Variants in OXSR1 observed in about 807,000 individuals in gnomAD.
OXSR1 encodes the protein oxidative stress responsive kinase 1, also known as serine/threonine-protein kinase OSR1.
OXSR1 carries 24 observed loss-of-function variants against 79.8 expected under a neutral mutation model. The observed-to-expected ratio is 0.30, with a 90% CI of 0.22 to 0.42. OXSR1 has a LOEUF of 0.42. OXSR1 is among the 10% of genes least tolerant of loss of function. The pLI is 1.00. For missense variants in OXSR1, 430 were observed against 618.4 expected (o/e 0.70, Z 3.23); for synonymous variants, 226 against 209.2 (o/e 1.08, Z -0.69).
At chr3:38,251,620 TC>T (rs1182020246) in intron 16 of OXSR1, 149 bp downstream of exon 16, 8 of 648,098 alleles carry the variant, frequency 1.2e-5, no homozygotes, top group African/African-American at 9.1e-5. Context: ...ATGGGACAGT[TC>T]CTTACACACA....
chr3:38,223,465 G>A (rs1421904733), intron 6 of OXSR1, among the ~76,000 whole-genome samples: 1 of 147,318 alleles, frequency 6.8e-6, no homozygotes, highest in East Asian at 2.0e-4. Flanking sequence ...TTTTTGAGGT[G>A]GAATTTCACT....
intron 12 of OXSR1, among the ~76,000 whole-genome samples, chr3:38,245,573 A>C (rs542725022): frequency 6.6e-6 from 1 of 152,184 alleles, no homozygotes; most frequent in Admixed American, 6.6e-5. Flanking sequence ...GGGCAAAGGA[A>C]TGGAATAGAT....
At chr3:38,184,980 G>T in intron 2 of OXSR1, among the ~76,000 whole-genome samples, 1 of 110,346 alleles carries the variant, frequency 9.1e-6, no homozygotes, top group Admixed American at 1.2e-4. Flanking sequence ...GTCTCGCTCT[G>T]TCTCCCAGGC....
intron 12 of OXSR1, 50 bp from the exon 13 acceptor site, chr3:38,246,025 G>GC: frequency 6.3e-7 from 1 of 1,577,898 alleles, no homozygotes; most frequent in African/African-American, 1.3e-5. Context: ...CAGCAGACCT[G>GC]CCTCCCTTTC....
intron 3 of OXSR1, among the ~76,000 whole-genome samples, chr3:38,197,712 G>GAA (rs1702093487): frequency 6.6e-6 from 1 of 152,118 alleles, no homozygotes; most frequent in Admixed American, 6.6e-5. Flanking sequence ...AGTCCTTCAT[G>GAA]TTTTTGAGAA....
intron 5 of OXSR1, among the ~76,000 whole-genome samples, chr3:38,220,976 A>C (rs1379173388): frequency 6.6e-6 from 1 of 152,170 alleles, no homozygotes; most frequent in East Asian, 1.9e-4. Flanking sequence ...GAGGTGAACT[A>C]AGTTTACCAA....
At chr3:38,249,255 A>G (rs939957961) in intron 14 of OXSR1, among the ~76,000 whole-genome samples, 8 of 152,120 alleles carry the variant, frequency 5.3e-5, no homozygotes, top group African/African-American at 1.9e-4. Context: ...TCTGTCTTTA[A>G]ACAAAACCTC....
At chr3:38,187,347 C>T (rs1050794917) in intron 2 of OXSR1, among the ~76,000 whole-genome samples, 7 of 152,016 alleles carry the variant, frequency 4.6e-5, no homozygotes, top group Non-Finnish European at 1.0e-4. Flanking sequence ...ACAGAGATAT[C>T]GAGACTCTAA....
intron 5 of OXSR1, among the ~76,000 whole-genome samples, chr3:38,219,107 T>G (rs960792144): frequency 1.3e-5 from 2 of 152,200 alleles, no homozygotes; most frequent in Admixed American, 6.5e-5. Context: ...TTGGATTGAT[T>G]ATGTTTCCTT....
intron 4 of OXSR1, among the ~76,000 whole-genome samples, chr3:38,212,209 G>C (rs1702402311): frequency 6.6e-6 from 1 of 152,150 alleles, no homozygotes; most frequent in Non-Finnish European, 1.5e-5. Flanking sequence ...CTGAGACCTA[G>C]GCTTAGGAGA....
intron 17 of OXSR1, 132 bp from the exon 18 acceptor site, chr3:38,252,685 G>A (rs113146499): frequency 4.6e-5 from 32 of 697,152 alleles, no homozygotes; most frequent in South Asian, 3.8e-4. Context: ...AAACACCTTC[G>A]TCAGTCTCCT....
intron 11 of OXSR1, among the ~76,000 whole-genome samples, chr3:38,238,615 A>G: frequency 6.6e-6 from 1 of 152,014 alleles, no homozygotes; most frequent in Non-Finnish European, 1.5e-5. Context: ...TTCTTTCAGC[A>G]TTTTAAAGAT....
chr3:38,178,329 T>C (rs1012253897), intron 1 of OXSR1, among the ~76,000 whole-genome samples: 1 of 152,190 alleles, frequency 6.6e-6, no homozygotes, highest in Admixed American at 6.6e-5. Flanking sequence ...TGGTTGTATT[T>C]ATCCATGTTG....
chr3:38,203,898 C>T (rs1321158385), intron 4 of OXSR1, among the ~76,000 whole-genome samples: 4 of 152,194 alleles, frequency 2.6e-5, no homozygotes, highest in Non-Finnish European at 1.5e-5. Flanking sequence ...CAAAGCCAGC[C>T]AGGCCTGTGT....
intron 3 of OXSR1, chr3:38,193,375 G>A (rs751179952): frequency 5.4e-6 from 7 of 1,288,936 alleles, no homozygotes; most frequent in East Asian, 5.5e-5. Context: ...CAAGATGGTG[G>A]TCAAGCATGG....
chr3:38,238,787 A>AT (rs1169929104), intron 11 of OXSR1, among the ~76,000 whole-genome samples: 2 of 151,232 alleles, frequency 1.3e-5, no homozygotes, highest in East Asian at 3.9e-4. Flanking sequence ...GCCTAGGTAT[A>AT]TTTTTCTTCA....
chr3:38,230,105 T>C (rs1702774132), intron 9 of OXSR1, among the ~76,000 whole-genome samples: 1 of 152,144 alleles, frequency 6.6e-6, no homozygotes, highest in Non-Finnish European at 1.5e-5. Context: ...AGGACCATGA[T>C]CTCAAAGAAC....
chr3:38,208,253 A>G (rs868091224), intron 4 of OXSR1, among the ~76,000 whole-genome samples: 7 of 152,192 alleles, frequency 4.6e-5, no homozygotes, highest in Middle Eastern at 3.4e-3. Context: ...TATAGGAACA[A>G]TTGATTAGGT....
Position 38,254,678 on chromosome 3 carries a change from T to C in OXSR1, c.*1787T>C, listed in dbSNP as rs1169429452. ...TATAGAAAAGAGATAGCATCTTCTT[T>C]GGCACAAGACTAGTGGCTTACCGCT... On this transcript the variant is annotated 3_prime_UTR_variant, in exon 18 of 18. Transcript: ENST00000311806. 1 of 156,282 alleles carries C rather than the reference T, an allele frequency of 6.4e-6. No individual in the cohort carries two copies. The highest frequency in any genetic ancestry group is 2.4e-5 in the African/African-American group (1 of 41,378). The allele number at this position is 156,282 out of a possible 1,614,324, so 9.7% of individuals were successfully genotyped here.
Sources: gnomAD v4.1 joint callset for allele counts (sites outside exome capture counted in the v4.1 genomes callset) on GRCh38, gnomAD v4.1.1 for gene constraint, MANE v1.5 for transcripts, NCBI Gene and HGNC (gene_info 2026-07-23, HGNC 2026-07-21) for gene names.